Variants in DNAJC1 observed in about 807,000 individuals in gnomAD.
The protein encoded by DNAJC1 is DnaJ heat shock protein family (Hsp40) member C1, also known as dnaJ homolog subfamily C member 1.
DNAJC1 carries 58 observed loss-of-function variants against 76.6 expected under a neutral mutation model. That is an observed-to-expected ratio of 0.76 (90% confidence interval 0.61 to 0.94). The LOEUF (loss-of-function observed/expected upper bound fraction) is 0.94. DNAJC1 is among the 40% of genes least tolerant of loss of function. The pLI, the probability that DNAJC1 is intolerant of heterozygous loss-of-function variation, is 0.00. For synonymous variants in DNAJC1, 258 were observed against 267.9 expected (o/e 0.96, Z 0.36); for missense variants, 689 against 677.3 (o/e 1.02, Z -0.19).
chr10:21,802,716 G>A (rs189890310), intron 9 of DNAJC1, among the ~76,000 whole-genome samples: 3 of 152,206 alleles, frequency 2.0e-5, no homozygotes, highest in Non-Finnish European at 4.4e-5. Context: ...AGTGACCAGG[G>A]AGAGAAGCAG....
intron 9 of DNAJC1, among the ~76,000 whole-genome samples, chr10:21,772,921 A>C (rs1017435291): frequency 6.6e-6 from 1 of 152,140 alleles, no homozygotes; most frequent in Admixed American, 6.5e-5. Context: ...GCAAACTAGG[A>C]GGCAGCACTT....
intron 1 of DNAJC1, among the ~76,000 whole-genome samples, chr10:21,954,243 T>C (rs1220753102): frequency 2.0e-5 from 3 of 152,204 alleles, no homozygotes; most frequent in African/African-American, 4.8e-5. Flanking sequence ...CTAAATTAAG[T>C]ATTTTCTCTT....
intron 6 of DNAJC1, among the ~76,000 whole-genome samples, chr10:21,915,968 C>A (rs1225705638): frequency 3.3e-5 from 5 of 151,256 alleles, no homozygotes; most frequent in East Asian, 1.9e-4. Flanking sequence ...CATGGCAAGA[C>A]CCTGTCTCTA....
chr10:21,838,332 C>T (rs1056683210), intron 8 of DNAJC1, among the ~76,000 whole-genome samples: 5 of 152,106 alleles, frequency 3.3e-5, no homozygotes, highest in Admixed American at 1.3e-4. Flanking sequence ...CCCCCAACCC[C>T]GTGCTCTCTG....
In DNAJC1 at chr10:21,759,517, C is replaced by A. The variant is rs757675763; in HGVS notation, c.1249G>T (p.Ala417Ser). 3 of 1,614,178 alleles carry A rather than the reference C, an allele frequency of 1.9e-6. No individual in the cohort carries two copies. The highest frequency in any genetic ancestry group is 1.1e-5 in the South Asian group (1 of 91,074). The change falls in exon 11 of 12, where the codon GCA becomes TCA. Residue 417 changes from alanine (A) to serine (S), a missense_variant. Ala to Ser is a moderately conservative substitution (Grantham distance 99). Coordinates refer to ENST00000376980, the MANE Select transcript of DNAJC1 (RefSeq NM_022365.4). ...TCCTCCTCCGCTGCCACCCCCTCTG[C>A]GTCCTCTCGCTGGGTGATCATGTCA... The part of the protein sequence containing the change: ...PDDMITQRED[A>S]EGVAAEEEQE...
At chr10:21,813,094 C>CATATATAT (rs1451322364) in intron 8 of DNAJC1, among the ~76,000 whole-genome samples, 3 of 66,746 alleles carry the variant, frequency 4.5e-5, no homozygotes, top group East Asian at 1.8e-3. Context: ...TATACACACA[C>CATATATAT]ACATATATAT....
chr10:21,764,150 T>A (rs140868047), intron 10 of DNAJC1, among the ~76,000 whole-genome samples: 135 of 152,260 alleles, frequency 8.9e-4, no homozygotes, highest in Admixed American at 1.5e-3. Flanking sequence ...CAATAGAAAC[T>A]TGTTAAATAA....
chr10:21,779,697 T>C (rs1252623534), intron 9 of DNAJC1, among the ~76,000 whole-genome samples: 3 of 152,058 alleles, frequency 2.0e-5, no homozygotes, highest in Admixed American at 6.6e-5. Flanking sequence ...CCTCTCCTCC[T>C]CCAAAGGAAC....
chr10:21,790,026 A>AAAAAG (rs1834662718), intron 9 of DNAJC1, among the ~76,000 whole-genome samples: 1 of 149,422 alleles, frequency 6.7e-6, no homozygotes, highest in African/African-American at 2.5e-5. Flanking sequence ...AAAAAAAAAA[A>AAAAAG]AAAAAAAAAA....
At chr10:21,801,425 A>G (rs748934848) in intron 9 of DNAJC1, among the ~76,000 whole-genome samples, 2 of 152,232 alleles carry the variant, frequency 1.3e-5, no homozygotes, top group African/African-American at 2.4e-5. Context: ...AATCAAAACC[A>G]TAATGAGATA....
At chr10:21,828,007 T>C (rs187409664) in intron 8 of DNAJC1, among the ~76,000 whole-genome samples, 8 of 152,306 alleles carry the variant, frequency 5.3e-5, no homozygotes, top group East Asian at 1.9e-4. Flanking sequence ...CAATTAGATA[T>C]TGTCAAATTA....
At chr10:21,765,377 T>C (rs904725358) in intron 10 of DNAJC1, among the ~76,000 whole-genome samples, 2 of 152,138 alleles carry the variant, frequency 1.3e-5, no homozygotes, top group African/African-American at 4.8e-5. Context: ...GGGTGGCTTT[T>C]TGAGATCTCT....
chr10:21,925,672 A>C (rs556476906), intron 3 of DNAJC1, among the ~76,000 whole-genome samples: 1 of 152,356 alleles, frequency 6.6e-6, no homozygotes, highest in African/African-American at 2.4e-5. Context: ...TGTTAATAGA[A>C]GCCAGATACA....
At chr10:21,856,364 T>C (rs923230935) in intron 8 of DNAJC1, among the ~76,000 whole-genome samples, 1 of 152,218 alleles carries the variant, frequency 6.6e-6, no homozygotes, top group Non-Finnish European at 1.5e-5. Flanking sequence ...CATTTTATTA[T>C]TGTGTATGTC....
intron 8 of DNAJC1, among the ~76,000 whole-genome samples, chr10:21,869,340 T>C (rs945278021): frequency 6.6e-5 from 10 of 152,052 alleles, no homozygotes; most frequent in African/African-American, 2.4e-4. Context: ...ACTCAAGCAT[T>C]TCTTTATATT....
intron 8 of DNAJC1, among the ~76,000 whole-genome samples, chr10:21,873,747 CTTTTCTT>C (rs1378807481): frequency 2.6e-5 from 4 of 152,128 alleles, no homozygotes. Context: ...CTTGTAATTC[CTTTTCTT>C]TTTAAAAACC....
intron 1 of DNAJC1, among the ~76,000 whole-genome samples, chr10:21,931,502 G>A (rs1331228339): frequency 1.3e-5 from 2 of 152,138 alleles, no homozygotes; most frequent in Admixed American, 1.3e-4. Context: ...GGTACTCGAT[G>A]AATTCAAACT....
At chr10:21,772,363 T>C (rs1021401417) in intron 9 of DNAJC1, among the ~76,000 whole-genome samples, 1 of 150,238 alleles carries the variant, frequency 6.7e-6, no homozygotes, top group Non-Finnish European at 1.5e-5. Context: ...GGACTTTTCA[T>C]TATGTATAGG....
chr10:21,905,260 A>T (rs945139322), intron 6 of DNAJC1, among the ~76,000 whole-genome samples: 20 of 151,612 alleles, frequency 1.3e-4, no homozygotes, highest in Admixed American at 1.1e-3. Flanking sequence ...GGTGTACCAA[A>T]AAAAAAAAAA....
Sources: allele counts gnomAD v4.1 joint callset (sites outside exome capture counted in the v4.1 genomes callset), GRCh38; gene constraint gnomAD v4.1.1; transcripts MANE v1.5; gene names NCBI Gene and HGNC (gene_info 2026-07-23, HGNC 2026-07-21).